WARS1: variants seen among roughly 807,000 people sequenced by gnomAD.
WARS1 encodes the protein tryptophan--tRNA ligase, cytoplasmic.
A neutral mutation model predicts 47.8 loss-of-function variants in WARS1; 17 were observed. That is an observed-to-expected ratio of 0.36 (90% confidence interval 0.24 to 0.53). The LOEUF is 0.53. WARS1 is among the 20% of genes least tolerant of loss of function. The pLI, the probability that WARS1 is intolerant of heterozygous loss-of-function variation, is 0.91. For synonymous variants in WARS1, 208 were observed against 228.1 expected (o/e 0.91, Z 0.79); for missense variants, 434 against 608.0 (o/e 0.71, Z 3.01).
intron 6 of WARS1, among the ~76,000 whole-genome samples, chr14:100,347,096 C>T (rs189548499): frequency 5.3e-5 from 8 of 152,336 alleles, no homozygotes; most frequent in Admixed American, 2.0e-4. Context: ...GTGAAACCGA[C>T]GTGAAGCAGA....
intron 2 of WARS1, 50 bp downstream of exon 2, chr14:100,369,037 G>A: frequency 7.2e-7 from 1 of 1,394,818 alleles, no homozygotes; most frequent in Non-Finnish European, 9.7e-7. Context: ...CAACCCTACA[G>A]ACTTGGGAGG....
intron 10 of WARS1, 89 bp from the exon 11 acceptor site, chr14:100,335,125 ACC>A: frequency 7.4e-7 from 1 of 1,345,622 alleles, no homozygotes; most frequent in Non-Finnish European, 1.0e-6. Context: ...AGCCCACACC[ACC>A]CATGCAGAGC....
At chr14:100,352,219 C>A (rs974648811) in intron 6 of WARS1, among the ~76,000 whole-genome samples, 2 of 139,746 alleles carry the variant, frequency 1.4e-5, no homozygotes, top group African/African-American at 5.2e-5. Flanking sequence ...TCAAGCGATT[C>A]TTCTGCCTCA....
intron 1 of WARS1, among the ~76,000 whole-genome samples, chr14:100,372,453 G>A (rs1318286225): frequency 6.6e-6 from 1 of 152,194 alleles, no homozygotes; most frequent in Non-Finnish European, 1.5e-5. Context: ...AACCACCTCA[G>A]TTCCCAGAAA....
At chr14:100,342,663 C>T (rs1894249299) in intron 8 of WARS1, 92 bp from the exon 9 acceptor site, 11 of 1,252,718 alleles carry the variant, frequency 8.8e-6, no homozygotes, top group South Asian at 1.5e-5. Context: ...TCCCAGAAGG[C>T]TCTCATGCTT....
chr14:100,351,913 A>G (rs1357897449), intron 6 of WARS1, among the ~76,000 whole-genome samples: 1 of 151,748 alleles, frequency 6.6e-6, no homozygotes, highest in Non-Finnish European at 1.5e-5. Context: ...GAATGGTGTG[A>G]ACCTGAGAGG....
intron 2 of WARS1, among the ~76,000 whole-genome samples, chr14:100,368,774 A>G (rs1192785790): frequency 1.1e-5 from 1 of 91,912 alleles, no homozygotes; most frequent in Non-Finnish European, 2.6e-5. Context: ...CAGCCTGACC[A>G]ACGTGGTGAA....
intron 7 of WARS1, among the ~76,000 whole-genome samples, chr14:100,345,297 A>AT: frequency 1.3e-5 from 2 of 152,098 alleles, no homozygotes; most frequent in East Asian, 3.9e-4. Flanking sequence ...AGAGGTAGAC[A>AT]TGGGAGACTT....
At chr14:100,336,973 T>A in intron 10 of WARS1, 89 bp downstream of exon 10, 1 of 1,545,858 alleles carries the variant, frequency 6.5e-7, no homozygotes, top group Admixed American at 1.8e-5. Context: ...CGACCAAGCC[T>A]TCATGCCTGG....
chr14:100,339,987 C>T (rs981449899), intron 9 of WARS1: 4 of 152,344 alleles, frequency 2.6e-5, no homozygotes, highest in East Asian at 1.9e-4. Context: ...ATGTGCCATC[C>T]GTGGAGGCTG....
At position 100,373,474 on chromosome 14, in the gene WARS1, G is replaced by T. The variant is rs962000231; in HGVS notation, c.-74+1809C>A. On this transcript the variant is annotated intron_variant, in intron 1 of 10. Coordinates refer to ENST00000392882, the MANE Select transcript of WARS1 (RefSeq NM_004184.4). This position sits in a 1 kb window ranked among gnomAD's most constrained non-coding sequence, Gnocchi z 4.4. ...TTTACCCTGTCCTTCCAAAAAATGT[G>T]GTGCCCCGCGTGAAGGCAACAAGGC... Among the ~76,000 whole-genome samples, 3 of 152,130 alleles carry T rather than the reference G, an allele frequency of 2.0e-5. No individual in the cohort carries two copies. The highest frequency in any genetic ancestry group is 4.4e-5 in the Non-Finnish European group (3 of 68,028).
intron 7 of WARS1, among the ~76,000 whole-genome samples, chr14:100,344,389 A>G (rs1433076100): frequency 2.0e-5 from 3 of 152,092 alleles, no homozygotes; most frequent in Admixed American, 6.5e-5. Flanking sequence ...TTAGTGCTCA[A>G]TGGTGCCCAG....
rs776738991 is a variant in WARS1, at chr14:100,334,641, C to A, written c.*234G>T. On this transcript the variant is annotated 3_prime_UTR_variant, in exon 11 of 11. Coordinates refer to ENST00000392882, the MANE Select transcript of WARS1 (RefSeq NM_004184.4). ...GAGACTCACAGCTGGACTTCTCTATCCGACCATGCAATGTTAGCCAGCACC... is the reference window on the plus strand; with the variant it reads ...GAGACTCACAGCTGGACTTCTCTATACGACCATGCAATGTTAGCCAGCACC... The A allele has an allele frequency of 7.0e-6, 3 of 429,144 alleles. No individual in the cohort carries two copies. The highest frequency in any genetic ancestry group is 1.2e-5 in the Non-Finnish European group (3 of 241,414). 26.6% of individuals were successfully genotyped at this position (429,144 alleles called of 1,614,324 possible).
At chr14:100,349,749 A>G (rs1466987469) in intron 6 of WARS1, among the ~76,000 whole-genome samples, 1 of 152,190 alleles carries the variant, frequency 6.6e-6, no homozygotes, top group Non-Finnish European at 1.5e-5. Context: ...TTCTGGGGCC[A>G]TGTGCAATGT....
rs553687183 is a variant in WARS1, at chr14:100,372,979, A to G, written c.-74+2304T>C. Reference sequence around the variant, plus strand: ...CTCTTCACAGCCTCTCCTGACACCTATGCTTCTGGGAACAAGTTGGTTGCT... The same window carrying G: ...CTCTTCACAGCCTCTCCTGACACCTGTGCTTCTGGGAACAAGTTGGTTGCT... On this transcript the variant is annotated intron_variant, in intron 1 of 10. Coordinates refer to ENST00000392882, the MANE Select transcript of WARS1 (RefSeq NM_004184.4). 1.5e-3 allele frequency among the ~76,000 whole-genome samples: 224 copies of G among 152,218 alleles called. 2 individuals carry two copies. Among genetic ancestry groups the G allele is most frequent in the Non-Finnish European group, 2.4e-3 (165 of 68,016 alleles).
At chr14:100,370,328 C>A (rs1896268962) in intron 1 of WARS1, 1 of 152,188 alleles carries the variant, frequency 6.6e-6, no homozygotes, top group Non-Finnish European at 1.5e-5. Context: ...AGTTTCCTAA[C>A]CTATAAAATG....
upstream of WARS1, chr14:100,375,589 G>A (rs1896610089): frequency 6.6e-6 from 1 of 152,264 alleles, no homozygotes; most frequent in Non-Finnish European, 1.5e-5. Flanking sequence ...CTTGAGAATC[G>A]AGCCATTAGC....
In WARS1 at chr14:100,369,195, C is replaced by T; in HGVS notation, c.-10G>A. Reference sequence around the variant, plus strand: ...GCTCACTGTTGGGCATGTTTGCTATCTCTCAGGAACTACGTTCACAGCCGG... The same window carrying T: ...GCTCACTGTTGGGCATGTTTGCTATTTCTCAGGAACTACGTTCACAGCCGG... On this transcript the variant is annotated 5_prime_UTR_variant, in exon 2 of 11. Transcript: ENST00000392882. 2.8e-6 allele frequency: 4 copies of T among 1,404,390 alleles called. No homozygotes were observed. In the East Asian group the frequency reaches 1.2e-4, roughly 40 times the overall value. The allele number at this position is 1,404,390 out of a possible 1,614,324, so 87.0% of individuals were successfully genotyped here. A position where few individuals can be genotyped will look rare whatever the true frequency, so the allele number is the denominator to read the frequency against.
chr14:100,363,160 T>A (rs1895756947), intron 2 of WARS1, among the ~76,000 whole-genome samples: 1 of 152,174 alleles, frequency 6.6e-6, no homozygotes, highest in African/African-American at 2.4e-5. Context: ...TACCTTGCTT[T>A]GAAGTACACT....
Sources: allele counts gnomAD v4.1 joint callset (sites outside exome capture counted in the v4.1 genomes callset), GRCh38; gene constraint gnomAD v4.1.1; non-coding constraint Gnocchi (gnomAD v3.1); transcripts MANE v1.5; gene names NCBI Gene and HGNC (gene_info 2026-07-23, HGNC 2026-07-21).